DLG5: variants seen among roughly 807,000 people sequenced by gnomAD.
DLG5 encodes disks large homolog 5.
DLG5 carries 48 observed loss-of-function variants against 189.8 expected under a neutral mutation model. The observed-to-expected ratio is 0.25, with a 90% CI of 0.20 to 0.32. The LOEUF (loss-of-function observed/expected upper bound fraction) is 0.32, where lower values mean the gene tolerates loss of function less well. DLG5 is among the 10% of genes least tolerant of loss of function. The pLI, the probability that DLG5 is intolerant of heterozygous loss-of-function variation, is 1.00. For synonymous variants in DLG5, 1,016 were observed against 1,054.1 expected (o/e 0.96, Z 0.70); for missense variants, 2,160 against 2,544.7 (o/e 0.85, Z 3.25).
chr10:77,822,235 C>CA, intron 14 of DLG5, 134 bp from the exon 15 acceptor site: 1 of 906,730 alleles, frequency 1.1e-6, no homozygotes, highest in Non-Finnish European at 1.6e-6. Flanking sequence ...GACAGATAGA[C>CA]AGAGATGCAC....
chr10:77,930,536 C>T (rs988936444), upstream of DLG5, among the ~76,000 whole-genome samples: 2 of 151,148 alleles, frequency 1.3e-5, no homozygotes, highest in Non-Finnish European at 2.9e-5. Flanking sequence ...TTAGTAGAGA[C>T]GGGGGTTTCT....
chr10:77,926,774 A>ACGGAGGAGGAGAAGGAGGAGG (rs1409080096), upstream of DLG5: 2 of 162,842 alleles, frequency 1.2e-5, no homozygotes, highest in African/African-American at 4.9e-5. The surrounding 1 kb of genome is among the most constrained non-coding windows in gnomAD (Gnocchi z 5.2). Context: ...GGAGGAGGAG[A>ACGGAGGAGGAGAAGGAGGAGG]CGGAGGAGGA....
At chr10:77,857,333 A>G (rs1339783489) in intron 2 of DLG5, among the ~76,000 whole-genome samples, 1 of 152,200 alleles carries the variant, frequency 6.6e-6, no homozygotes, top group Non-Finnish European at 1.5e-5. Context: ...AGAAAGGCAC[A>G]CCTGAAATCC....
intron 8 of DLG5, among the ~76,000 whole-genome samples, chr10:77,834,265 A>G (rs1377159759): frequency 2.6e-5 from 4 of 152,102 alleles, no homozygotes; most frequent in Non-Finnish European, 5.9e-5. Flanking sequence ...ACACCCCCAC[A>G]GTCACCCGGC....
At chr10:77,814,647 T>C (rs1019004859) in intron 20 of DLG5, among the ~76,000 whole-genome samples, 2 of 151,898 alleles carry the variant, frequency 1.3e-5, no homozygotes, top group African/African-American at 2.4e-5. Flanking sequence ...CAATCTCAGC[T>C]CACTGCAACC....
intron 1 of DLG5, among the ~76,000 whole-genome samples, chr10:77,884,293 C>A (rs190569147): frequency 6.6e-6 from 1 of 152,146 alleles, no homozygotes. Context: ...AATTGATTGG[C>A]CCTGTTTCTC....
chr10:77,821,294 A>C lies in DLG5; in HGVS notation c.3190T>G (p.Ser1064Ala). Reference sequence around the variant, plus strand: ...CGGACCCTGGCCTTGCGAGGGGGTGATGCGTGCATGGGCTCCCCGGGGTCC... The same window carrying C: ...CGGACCCTGGCCTTGCGAGGGGGTGCTGCGTGCATGGGCTCCCCGGGGTCC... The part of the protein sequence containing the change: ...DVDPGEPMHA[S>A]PPRKARVRIA... Residue 1064 changes from serine (S) to alanine (A), a missense_variant, in exon 15 of 32, where the codon TCA becomes GCA. Ser to Ala is a moderately conservative substitution (Grantham distance 99). This residue lies in a region of DLG5 where 754 missense variants were observed against 746.5 expected (regional missense o/e 1.01). Transcript: ENST00000372391. 7 of 1,613,604 alleles carry C rather than the reference A, an allele frequency of 4.3e-6. No homozygotes were observed. Among genetic ancestry groups the C allele is most frequent in the Non-Finnish European group, 5.9e-6 (7 of 1,180,024 alleles).
chr10:77,940,519 C>G, the DLG5 span, among the ~76,000 whole-genome samples: 3 of 152,140 alleles, frequency 2.0e-5, no homozygotes, highest in Admixed American at 2.0e-4. Flanking sequence ...CCCGATACAT[C>G]CCCACTCCCT....
the DLG5 span, among the ~76,000 whole-genome samples, chr10:77,935,556 AG>A: frequency 2.0e-5 from 3 of 151,192 alleles, no homozygotes; most frequent in Non-Finnish European, 4.4e-5. Context: ...TGCTCCCTGG[AG>A]AAACAGATCC....
intron 26 of DLG5, 26 bp downstream of exon 26, chr10:77,806,732 C>G: frequency 6.4e-7 from 1 of 1,574,260 alleles, no homozygotes. Context: ...CTGCCCCACC[C>G]CACCCCAGGC....
intron 20 of DLG5, among the ~76,000 whole-genome samples, chr10:77,815,214 G>T (rs528881549): frequency 2.0e-5 from 3 of 152,240 alleles, no homozygotes; most frequent in African/African-American, 7.2e-5. Context: ...ATGCTCCTGC[G>T]CGTGCCACAT....
At chr10:77,843,355 G>T in intron 6 of DLG5, 92 bp downstream of exon 6, 4 of 1,462,804 alleles carry the variant, frequency 2.7e-6, no homozygotes, top group South Asian at 2.6e-5. Context: ...GATTGAAAAA[G>T]CACAATAACT....
chr10:77,925,859 T>C (rs1354911551), intron 1 of DLG5, among the ~76,000 whole-genome samples: 6 of 152,158 alleles, frequency 3.9e-5, no homozygotes, highest in Non-Finnish European at 1.5e-5. Flanking sequence ...GGTTAAAGGC[T>C]AGCACAGGGT....
At chr10:77,817,674 G>C (rs1251033297) in intron 18 of DLG5, 103 bp downstream of exon 18, 5 of 976,246 alleles carry the variant, frequency 5.1e-6, no homozygotes, top group Non-Finnish European at 7.7e-6. Flanking sequence ...GAGGTGACAG[G>C]AGCTCGTGTG....
chr10:77,820,157 C>G (rs1401443947), intron 15 of DLG5, 139 bp from the exon 16 acceptor site: 2 of 1,180,390 alleles, frequency 1.7e-6, no homozygotes, highest in Non-Finnish European at 2.3e-6. Flanking sequence ...ACCACCCTGG[C>G]CAACATGGCG....
At position 77,791,399 on chromosome 10, in the gene DLG5, T is replaced by A. The variant is rs940307784; in HGVS notation, c.*1041A>T. 1 of 151,924 alleles carries A rather than the reference T, an allele frequency of 6.6e-6. No individual in the cohort carries two copies. The highest frequency in any genetic ancestry group is 1.5e-5 in the Non-Finnish European group (1 of 67,976). 9.4% of individuals were successfully genotyped at this position (151,924 alleles called of 1,614,324 possible). ...CCCACACTGAGTAGGGTGCATGCCGTGAGTGCTGTAATCAAGATTAAAAAG... is the reference window on the plus strand; with the variant it reads ...CCCACACTGAGTAGGGTGCATGCCGAGAGTGCTGTAATCAAGATTAAAAAG... On this transcript the variant is annotated 3_prime_UTR_variant, in exon 32 of 32. Coordinates refer to ENST00000372391, the MANE Select transcript of DLG5 (RefSeq NM_004747.4).
intron 27 of DLG5, among the ~76,000 whole-genome samples, chr10:77,805,026 G>A (rs755518846): frequency 6.6e-6 from 1 of 152,042 alleles, no homozygotes; most frequent in Non-Finnish European, 1.5e-5. Flanking sequence ...GCTGGAGTAC[G>A]GTGGCGTGAT....
At chr10:77,824,179 G>A (rs2154575720) in intron 14 of DLG5, among the ~76,000 whole-genome samples, 1 of 152,340 alleles carries the variant, frequency 6.6e-6, no homozygotes, top group Non-Finnish European at 1.5e-5. Flanking sequence ...AGATTCAAAT[G>A]TACCCAACTG....
chr10:77,919,184 C>A (rs1050675673), intron 1 of DLG5, among the ~76,000 whole-genome samples: 2 of 152,034 alleles, frequency 1.3e-5, no homozygotes, highest in African/African-American at 4.8e-5. Context: ...CCACTGCACT[C>A]CAGCCTGGGC....
Sources: allele counts gnomAD v4.1 joint callset (sites outside exome capture counted in the v4.1 genomes callset), GRCh38; gene constraint gnomAD v4.1.1; regional missense constraint gnomAD v4.1.1; non-coding constraint Gnocchi (gnomAD v3.1); transcripts MANE v1.5; gene names NCBI Gene and HGNC (gene_info 2026-07-23, HGNC 2026-07-21).